Variants in AKAP19 observed in about 807,000 individuals in gnomAD.
AKAP19 encodes A-kinase anchoring protein 19.
chr2:189,933,270 G>A, the AKAP19 span, among the ~76,000 whole-genome samples: 1 of 152,136 alleles, frequency 6.6e-6, no homozygotes, highest in East Asian at 1.9e-4. Context: ...CTCCTTTTGG[G>A]AGGGAGATGT....
chr2:189,885,209 A>G, the AKAP19 span, among the ~76,000 whole-genome samples: 1 of 152,220 alleles, frequency 6.6e-6, no homozygotes, highest in African/African-American at 2.4e-5. Context: ...CCATTAGATT[A>G]TAACAGACGT....
the AKAP19 span, among the ~76,000 whole-genome samples, chr2:190,178,750 G>A: frequency 6.6e-6 from 1 of 152,184 alleles, no homozygotes; most frequent in Non-Finnish European, 1.5e-5. The surrounding 1 kb of genome is among the most constrained non-coding windows in gnomAD (Gnocchi z 6.3). Context: ...AAATTTTCAA[G>A]TTTATGGGTT....
At chr2:190,139,424 G>T in the AKAP19 span, among the ~76,000 whole-genome samples, 4 of 152,180 alleles carry the variant, frequency 2.6e-5, no homozygotes, top group East Asian at 7.7e-4. Context: ...GAATATGAAG[G>T]CTATATTAGT....
the AKAP19 span, among the ~76,000 whole-genome samples, chr2:189,997,096 T>C: frequency 6.6e-6 from 1 of 152,238 alleles, no homozygotes; most frequent in Non-Finnish European, 1.5e-5. Flanking sequence ...AGTTGTCATA[T>C]GGAGAGACTC....
At chr2:189,976,918 T>A in the AKAP19 span, among the ~76,000 whole-genome samples, 7 of 152,210 alleles carry the variant, frequency 4.6e-5, no homozygotes, top group Admixed American at 4.6e-4. Context: ...TGACCCTTTG[T>A]GCTTCCTGGG....
At chr2:189,896,245 T>C in the AKAP19 span, among the ~76,000 whole-genome samples, 2 of 152,158 alleles carry the variant, frequency 1.3e-5, no homozygotes, top group Admixed American at 6.6e-5. Context: ...CAGTAAAATG[T>C]GTTAGTGACT....
At chr2:189,991,163 G>A in the AKAP19 span, among the ~76,000 whole-genome samples, 2 of 152,102 alleles carry the variant, frequency 1.3e-5, no homozygotes, top group Non-Finnish European at 2.9e-5. Flanking sequence ...ACATGTGTAT[G>A]CAATTTTCTT....
chr2:190,132,076 A>C, the AKAP19 span, among the ~76,000 whole-genome samples: 1 of 152,214 alleles, frequency 6.6e-6, no homozygotes, highest in African/African-American at 2.4e-5. Flanking sequence ...ATAGCTACCA[A>C]AAAAATAGGA....
the AKAP19 span, among the ~76,000 whole-genome samples, chr2:189,910,098 A>G: frequency 2.0e-5 from 3 of 152,048 alleles, no homozygotes; most frequent in Admixed American, 6.6e-5. Context: ...TTTGAAATTG[A>G]TGGGGCAGAC....
chr2:190,148,694 G>A, the AKAP19 span, among the ~76,000 whole-genome samples: 1 of 152,084 alleles, frequency 6.6e-6, no homozygotes, highest in African/African-American at 2.4e-5. Context: ...CTTGTTATTG[G>A]TCTGTTCAGG....
At chr2:190,193,197 TC>T in the AKAP19 span, among the ~76,000 whole-genome samples, 840 of 152,228 alleles carry the variant, frequency 5.5e-3, 11 homozygotes, top group African/African-American at 0.018. Flanking sequence ...AAATTTTTTT[TC>T]TGTTTCTACT....
At chr2:189,923,748 G>A in the AKAP19 span, 6 of 1,613,424 alleles carry the variant, frequency 3.7e-6, no homozygotes, top group Non-Finnish European at 5.1e-6. Context: ...CCTATTGCTC[G>A]GGCTGTAGTG....
At chr2:190,096,884 GAC>G in the AKAP19 span, among the ~76,000 whole-genome samples, 1 of 152,072 alleles carries the variant, frequency 6.6e-6, no homozygotes, top group Non-Finnish European at 1.5e-5. Flanking sequence ...AAAGGCGAGA[GAC>G]AGCCCAACTC....
chr2:190,081,288 T>C, the AKAP19 span, among the ~76,000 whole-genome samples: 1 of 151,862 alleles, frequency 6.6e-6, no homozygotes, highest in Non-Finnish European at 1.5e-5. Context: ...ACCATCTATT[T>C]TTTCTGAGGG....
the AKAP19 span, among the ~76,000 whole-genome samples, chr2:190,007,808 A>T: frequency 1.3e-5 from 2 of 152,102 alleles, no homozygotes; most frequent in Non-Finnish European, 2.9e-5. Context: ...TAAAAATACA[A>T]AAAATTAGCT....
the AKAP19 span, among the ~76,000 whole-genome samples, chr2:190,022,820 A>C: frequency 6.6e-6 from 1 of 152,036 alleles, no homozygotes; most frequent in Non-Finnish European, 1.5e-5. Context: ...GTGCAGAGCC[A>C]CTCATGTACT....
At chr2:190,179,194 G>A in the AKAP19 span, among the ~76,000 whole-genome samples, 1 of 152,144 alleles carries the variant, frequency 6.6e-6, no homozygotes, top group Non-Finnish European at 1.5e-5. This position sits in a 1 kb window ranked among gnomAD's most constrained non-coding sequence, Gnocchi z 6.0. Flanking sequence ...GATCACCTGA[G>A]GTCTGGGGTT....
chr2:190,200,804 C>CCT, the AKAP19 span: 9 of 167,250 alleles, frequency 5.4e-5, no homozygotes, highest in African/African-American at 2.2e-4. Context: ...TTTATAGAAG[C>CCT]CATGACATTA....
At chr2:189,961,387 T>C in the AKAP19 span, among the ~76,000 whole-genome samples, 1 of 152,196 alleles carries the variant, frequency 6.6e-6, no homozygotes, top group Non-Finnish European at 1.5e-5. Flanking sequence ...AGTGCACTTA[T>C]ACTAGTTTAT....
Sources: gnomAD v4.1 joint callset for allele counts (sites outside exome capture counted in the v4.1 genomes callset) on GRCh38, gnomAD v4.1.1 for gene constraint, Gnocchi (gnomAD v3.1) non-coding constraint, MANE v1.5 for transcripts, NCBI Gene and HGNC (gene_info 2026-07-23, HGNC 2026-07-21) for gene names.